Variants in BDNF observed in about 807,000 individuals in gnomAD.
The protein encoded by BDNF is neurotrophic factor BDNF precursor form.
BDNF carries 1 observed loss-of-function variant against 19.5 expected under a neutral mutation model. That is an observed-to-expected ratio of 0.05 (90% CI 0.02 to 0.24). The LOEUF is 0.24. Among genes scored for constraint, BDNF ranks in the 10% least tolerant of loss-of-function variants. The pLI is 1.00. For missense variants in BDNF, 195 were observed against 317.6 expected (o/e 0.61, Z 2.93); for synonymous variants, 100 against 121.6 (o/e 0.82, Z 1.17).
At chr11:27,682,430 T>A (rs1856959969) in intron 1 of BDNF, among the ~76,000 whole-genome samples, 1 of 151,474 alleles carries the variant, frequency 6.6e-6, no homozygotes, top group African/African-American at 2.4e-5. Flanking sequence ...AATAATACTT[T>A]TAAGTTCTGG....
At chr11:27,695,012 A>G (rs1858821102) in intron 1 of BDNF, among the ~76,000 whole-genome samples, 1 of 152,194 alleles carries the variant, frequency 6.6e-6, no homozygotes, top group African/African-American at 2.4e-5. Flanking sequence ...TTTAGTGCAT[A>G]TATCAAATTG....
intron 1 of BDNF, among the ~76,000 whole-genome samples, chr11:27,671,560 T>C (rs935323498): frequency 6.6e-6 from 1 of 151,922 alleles, no homozygotes; most frequent in Admixed American, 6.6e-5. Context: ...CTTCAAATAA[T>C]TTTTTGTGTT....
rs1852662451 is a variant in BDNF, at chr11:27,657,065, T to C, written c.*756A>G. ...GGGGCCTGGGAGGTGCATCACGGGA[T>C]GTGGAGTGTGAGCATTTTTTTGTTC... On this transcript the variant is annotated 3_prime_UTR_variant, in exon 2 of 2. Coordinates refer to ENST00000356660, the MANE Select transcript of BDNF (RefSeq NM_001709.5). The surrounding 1 kb of genome is among the most constrained non-coding windows in gnomAD (Gnocchi z 5.0). 1 of 985,484 alleles carries C rather than the reference T, an allele frequency of 1.0e-6. No homozygotes were observed. Among genetic ancestry groups the C allele is most frequent in the Non-Finnish European group, 1.2e-6 (1 of 830,042 alleles). The allele number at this position is 985,484 out of a possible 1,614,324, so 61.0% of individuals were successfully genotyped here.
At chr11:27,689,897 C>A (rs933452945) in intron 1 of BDNF, among the ~76,000 whole-genome samples, 2 of 151,634 alleles carry the variant, frequency 1.3e-5, no homozygotes, top group African/African-American at 4.9e-5. Flanking sequence ...TGCTCCAGGC[C>A]CCAGTGTGTG....
At position 27,658,823 on chromosome 11, in the gene BDNF, A is replaced by T. The variant is rs1852928410; in HGVS notation, c.-21-238T>A. 1.4e-6 allele frequency: 2 copies of T among 1,398,698 alleles called. No individual in the cohort carries two copies. 86.6% of individuals were successfully genotyped at this position (1,398,698 alleles called of 1,614,324 possible). ...CCCCAAGATCTAGCATATAAACCTGAGATTAGATGGCTTCTAAGCAAGTGC... is the reference window on the plus strand; with the variant it reads ...CCCCAAGATCTAGCATATAAACCTGTGATTAGATGGCTTCTAAGCAAGTGC... On this transcript the variant is annotated intron_variant, in intron 1 of 1. Coordinates refer to ENST00000356660, the MANE Select transcript of BDNF (RefSeq NM_001709.5). The surrounding 1 kb of genome is among the most constrained non-coding windows in gnomAD (Gnocchi z 5.7).
At chr11:27,680,969 C>A (rs148745605) in intron 1 of BDNF, among the ~76,000 whole-genome samples, 1 of 152,294 alleles carries the variant, frequency 6.6e-6, no homozygotes, top group East Asian at 1.9e-4. Context: ...GGTTCACAGG[C>A]TCTACAGTCC....
upstream of BDNF, chr11:27,701,269 G>GA (rs1048080003): frequency 8.9e-7 from 1 of 1,127,526 alleles, no homozygotes; most frequent in Non-Finnish European, 1.1e-6. Flanking sequence ...CAGAAAAACG[G>GA]AAAGAGAAAG....
At chr11:27,659,314 C>T (rs1853015819) in intron 1 of BDNF, 1 of 999,938 alleles carries the variant, frequency 1.0e-6, no homozygotes, top group African/African-American at 1.7e-5. Context: ...TTCCACTGTT[C>T]TTTATTCTAC....
At chr11:27,685,765 T>A (rs1028429258) in intron 1 of BDNF, among the ~76,000 whole-genome samples, 1 of 152,200 alleles carries the variant, frequency 6.6e-6, no homozygotes, top group African/African-American at 2.4e-5. Flanking sequence ...TCTGAGAGAC[T>A]GTTTGTTATG....
chr11:27,717,427 A>ATTCTC (rs1860557074), intron 1 of BDNF, among the ~76,000 whole-genome samples: 1 of 152,160 alleles, frequency 6.6e-6, no homozygotes, highest in South Asian at 2.1e-4. Flanking sequence ...CCTTATATAT[A>ATTCTC]TTCTCTTCTA....
chr11:27,700,079 A>G, intron 1 of BDNF, 85 bp downstream of exon 1: 1 of 977,890 alleles, frequency 1.0e-6, no homozygotes, highest in Non-Finnish European at 1.2e-6. Context: ...TCGTCCCACA[A>G]CTTTGGGGTG....
intron 1 of BDNF, among the ~76,000 whole-genome samples, chr11:27,663,519 C>G (rs374988872): frequency 4.9e-4 from 75 of 152,332 alleles, no homozygotes; most frequent in African/African-American, 1.8e-3. Flanking sequence ...TCATAACTTA[C>G]ATTTGTCTAA....
chr11:27,711,841 G>A (rs1860339561), intron 1 of BDNF, among the ~76,000 whole-genome samples: 1 of 152,220 alleles, frequency 6.6e-6, no homozygotes, highest in South Asian at 2.1e-4. Flanking sequence ...CAAACAGGAA[G>A]AGTTTCAGTA....
chr11:27,699,711 T>A, intron 1 of BDNF: 2 of 1,383,014 alleles, frequency 1.4e-6, no homozygotes, highest in Non-Finnish European at 1.9e-6. Flanking sequence ...CAAGCTTCCC[T>A]CCCACTCCCC....
chr11:27,699,812 T>G, intron 1 of BDNF: 4 of 865,466 alleles, frequency 4.6e-6, no homozygotes, highest in Non-Finnish European at 4.6e-6. Flanking sequence ...TCGACAGCTC[T>G]GGCCCCCTAA....
At chr11:27,671,304 A>G (rs1400655715) in intron 1 of BDNF, among the ~76,000 whole-genome samples, 1 of 145,812 alleles carries the variant, frequency 6.9e-6, no homozygotes, top group Non-Finnish European at 1.5e-5. Context: ...CTTAAAGTAT[A>G]ATTAAAAAAA....
In BDNF at chr11:27,682,394, T is replaced by TTTA. The variant is rs147398676; in HGVS notation, c.-22+17767_-22+17769dup. On this transcript the variant is annotated intron_variant, in intron 1 of 1. Coordinates refer to ENST00000356660, the MANE Select transcript of BDNF (RefSeq NM_001709.5). ...CTGCATTCTATTTTATTGTATTTCTTTTATTATTATTATTATAATAATAAT... is the reference window on the plus strand; with the variant it reads ...CTGCATTCTATTTTATTGTATTTCTTTTATTATTATTATTATTATAATAATAAT... 1.3e-3 allele frequency among the ~76,000 whole-genome samples: 201 copies of TTTA among 149,192 alleles called. 1 individual carries two copies. The highest frequency in any genetic ancestry group is 3.6e-3 in the Middle Eastern group (1 of 280).
intron 1 of BDNF, among the ~76,000 whole-genome samples, chr11:27,683,844 C>T (rs566031351): frequency 6.6e-6 from 1 of 152,266 alleles, no homozygotes; most frequent in East Asian, 1.9e-4. Flanking sequence ...TAGCATGATG[C>T]CTCCAGCTTG....
intron 1 of BDNF, among the ~76,000 whole-genome samples, chr11:27,710,828 T>C (rs1860294770): frequency 1.3e-5 from 2 of 152,204 alleles, no homozygotes; most frequent in African/African-American, 4.8e-5. Context: ...CATTTCTTAC[T>C]CAATAACTCT....
Sources: gnomAD v4.1 joint callset for allele counts (sites outside exome capture counted in the v4.1 genomes callset) on GRCh38, gnomAD v4.1.1 for gene constraint, Gnocchi (gnomAD v3.1) non-coding constraint, MANE v1.5 for transcripts, NCBI Gene and HGNC (gene_info 2026-07-23, HGNC 2026-07-21) for gene names.